USH2A: variants seen among roughly 807,000 people sequenced by gnomAD.
The protein encoded by USH2A is usherin.
USH2A carries 443 observed loss-of-function variants against 538.9 expected under a neutral mutation model. That is an observed-to-expected ratio of 0.82 (90% confidence interval 0.76 to 0.89). The LOEUF (loss-of-function observed/expected upper bound fraction) is 0.89, where lower values mean the gene tolerates loss of function less well. Among genes scored for constraint, USH2A ranks in the 40% least tolerant of loss-of-function variants. USH2A has a pLI of 0.00. For missense variants in USH2A, 6,633 were observed against 6,324.8 expected, an observed-to-expected ratio of 1.05 and a Z score of -1.65; for synonymous variants, 2,413 against 2,273.5, an observed-to-expected ratio of 1.06 and a Z score of -1.75.
At chr1:216,250,863 G>A in intron 12 of USH2A, 40 bp downstream of exon 12, 1 of 1,599,030 alleles carries the variant, frequency 6.3e-7, no homozygotes, top group Non-Finnish European at 8.6e-7. Context: ...ATTCCAGATG[G>A]TAATAGAGAT....
chr1:216,198,267 T>C (rs1220752842), intron 18 of USH2A, 48 bp downstream of exon 18: 6 of 1,612,414 alleles, frequency 3.7e-6, no homozygotes, highest in Non-Finnish European at 5.1e-6. Flanking sequence ...TGAGGAAACA[T>C]TTGCATTCAG....
intron 31 of USH2A, among the ~76,000 whole-genome samples, chr1:216,047,212 T>C (rs911079184): frequency 1.3e-5 from 2 of 152,152 alleles, no homozygotes; most frequent in African/African-American, 4.8e-5. Context: ...AGTTTGGGAA[T>C]GTCTTTAAAA....
chr1:216,242,579 A>G (rs986092777), intron 13 of USH2A, among the ~76,000 whole-genome samples: 1 of 152,054 alleles, frequency 6.6e-6, no homozygotes, highest in African/African-American at 2.4e-5. Flanking sequence ...TTAGATAATA[A>G]TATAAAAAGA....
intron 62 of USH2A, among the ~76,000 whole-genome samples, chr1:215,676,781 C>A (rs1202342569): frequency 6.6e-6 from 1 of 151,926 alleles, no homozygotes; most frequent in Non-Finnish European, 1.5e-5. Flanking sequence ...CCTCTGTGAC[C>A]CCCCAAGCAC....
chr1:215,974,967 A>T (rs1667587922), intron 35 of USH2A, among the ~76,000 whole-genome samples: 1 of 152,154 alleles, frequency 6.6e-6, no homozygotes, highest in Non-Finnish European at 1.5e-5. Flanking sequence ...GTATATAAGC[A>T]TTCAACCCTT....
intron 37 of USH2A, among the ~76,000 whole-genome samples, chr1:215,959,164 TTTTAAG>T (rs1265547357): frequency 2.0e-5 from 3 of 152,102 alleles, no homozygotes; most frequent in Non-Finnish European, 4.4e-5. Flanking sequence ...ATAGAATTTT[TTTTAAG>T]TTGAGTACAT....
At chr1:216,108,013 C>A (rs2032779820) in intron 21 of USH2A, among the ~76,000 whole-genome samples, 1 of 151,728 alleles carries the variant, frequency 6.6e-6, no homozygotes, top group African/African-American at 2.4e-5. Context: ...TTCTTGTTTT[C>A]ACTAATCAAA....
intron 64 of USH2A, among the ~76,000 whole-genome samples, chr1:215,654,207 C>T (rs1657169792): frequency 6.6e-6 from 1 of 152,036 alleles, no homozygotes; most frequent in Admixed American, 6.6e-5. Context: ...TTCTAGTGTA[C>T]ACGTGAACAA....
intron 71 of USH2A, among the ~76,000 whole-genome samples, chr1:215,628,205 G>A (rs1656127929): frequency 6.6e-6 from 1 of 152,184 alleles, no homozygotes; most frequent in Admixed American, 6.5e-5. Flanking sequence ...ACAAGTGCTT[G>A]TATTTTATGC....
intron 21 of USH2A, among the ~76,000 whole-genome samples, chr1:216,152,150 G>A (rs893799371): frequency 3.2e-4 from 49 of 151,624 alleles, no homozygotes; most frequent in African/African-American, 7.5e-4. Flanking sequence ...AAAAATTTTC[G>A]CCGCCCCAAC....
At chr1:216,072,757 A>C in intron 29 of USH2A, 132 bp downstream of exon 29, 1 of 878,426 alleles carries the variant, frequency 1.1e-6, no homozygotes, top group Admixed American at 1.9e-5. Flanking sequence ...ATGTATTTTC[A>C]AACCAAGGCA....
chr1:215,801,282 G>A lies in USH2A; in HGVS notation c.9740-2157C>T, dbSNP rs1252468403. ...ATTCTACATAATATTGGATATTATG[G>A]CTAGAGCAATAGGCAAGAGAAAAAA... On this transcript the variant is annotated intron_variant, in intron 49 of 71. Coordinates refer to ENST00000307340, the MANE Select transcript of USH2A (RefSeq NM_206933.4). 2.6e-5 allele frequency among the ~76,000 whole-genome samples: 4 copies of A among 151,560 alleles called. No individual in the cohort carries two copies. The East Asian group carries it at 7.8e-4, about 29-fold the overall frequency.
intron 49 of USH2A, among the ~76,000 whole-genome samples, chr1:215,804,969 T>G (rs1662453201): frequency 6.6e-6 from 1 of 151,990 alleles, no homozygotes; most frequent in Admixed American, 6.6e-5. Flanking sequence ...AAATGATGAG[T>G]TCATGTTCTT....
Position 215,634,449 on chromosome 1 carries a change from A to G in USH2A, c.15297+10T>C. The G allele has an allele frequency of 6.2e-7, 1 of 1,614,224 alleles. No individual in the cohort carries two copies. On this transcript the variant is annotated intron_variant, in intron 70 of 71. Coordinates refer to ENST00000307340, the MANE Select transcript of USH2A (RefSeq NM_206933.4). ...GATAGGGAAATGGGGCCACACCTCT[A>G]CAAACATACCATATGGTTTTCCCCC...
intron 56 of USH2A, among the ~76,000 whole-genome samples, chr1:215,762,942 T>A (rs1661022586): frequency 6.6e-6 from 1 of 152,130 alleles, no homozygotes; most frequent in Non-Finnish European, 1.5e-5. Flanking sequence ...TGTTTTAAAT[T>A]TATCTTGAGT....
intron 47 of USH2A, among the ~76,000 whole-genome samples, chr1:215,832,038 C>T (rs1321607692): frequency 6.6e-6 from 1 of 151,882 alleles, no homozygotes; most frequent in Non-Finnish European, 1.5e-5. Flanking sequence ...ATAAATTTGA[C>T]AAATTTGATT....
intron 62 of USH2A, among the ~76,000 whole-genome samples, chr1:215,676,780 C>T (rs1232108207): frequency 1.1e-5 from 1 of 93,604 alleles, no homozygotes; most frequent in African/African-American, 2.9e-5. Flanking sequence ...GCCTCTGTGA[C>T]CCCCCAAGCA....
intron 19 of USH2A, 91 bp downstream of exon 19, chr1:216,196,462 G>T: frequency 9.6e-6 from 14 of 1,450,838 alleles, no homozygotes; most frequent in Non-Finnish European, 1.2e-5. Flanking sequence ...TATAGAGGGA[G>T]AATTCTGTCA....
intron 21 of USH2A, among the ~76,000 whole-genome samples, chr1:216,136,795 G>A (rs1361492134): frequency 6.6e-6 from 1 of 152,124 alleles, no homozygotes; most frequent in Non-Finnish European, 1.5e-5. Context: ...GGCAGAGAAT[G>A]GGGTGACACT....
Sources: allele counts gnomAD v4.1 joint callset (sites outside exome capture counted in the v4.1 genomes callset), GRCh38; gene constraint gnomAD v4.1.1; transcripts MANE v1.5; gene names NCBI Gene and HGNC (gene_info 2026-07-23, HGNC 2026-07-21).